Variants in BCAP29 observed in about 807,000 individuals in gnomAD.
BCAP29 encodes B cell receptor associated protein 29.
BCAP29 carries 34 observed loss-of-function variants against 31.8 expected under a neutral mutation model. That is an observed-to-expected ratio of 1.07 (90% CI 0.81 to 1.42). The LOEUF (loss-of-function observed/expected upper bound fraction) is 1.42, where lower values mean the gene tolerates loss of function less well. BCAP29 is among the 40% of genes most tolerant of loss of function. The probability of loss-of-function intolerance (pLI) is 0.00; values close to 1 mark genes in which losing one functional copy is unlikely to be tolerated. For synonymous variants in BCAP29, 104 were observed against 91.3 expected (o/e 1.14, Z -0.79); for missense variants, 314 against 269.2 (o/e 1.17, Z -1.16).
chr7:107,600,278 A>C (rs1810913355), intron 5 of BCAP29, 119 bp from the exon 6 acceptor site: 1 of 701,528 alleles, frequency 1.4e-6, no homozygotes, highest in African/African-American at 1.8e-5. Context: ...AATTCTGAAA[A>C]GGACAAAGAA....
intron 6 of BCAP29, among the ~76,000 whole-genome samples, chr7:107,610,664 C>G (rs972072707): frequency 6.6e-6 from 1 of 152,126 alleles, no homozygotes; most frequent in Non-Finnish European, 1.5e-5. Context: ...TATACCTTGG[C>G]TTAGTAAGTG....
intron 6 of BCAP29, among the ~76,000 whole-genome samples, chr7:107,612,407 A>ATATG (rs1813317093): frequency 3.1e-5 from 1 of 32,540 alleles, no homozygotes; most frequent in Non-Finnish European, 8.6e-5. Context: ...ATATATATAT[A>ATATG]TATATATATA....
intron 6 of BCAP29, among the ~76,000 whole-genome samples, chr7:107,605,049 T>C (rs1272460229): frequency 2.0e-5 from 3 of 152,224 alleles, no homozygotes; most frequent in Non-Finnish European, 4.4e-5. Context: ...CAGAGTACTT[T>C]TCTTGGACTA....
chr7:107,618,266 G>A, intron 7 of BCAP29, 62 bp from the exon 8 acceptor site: 1 of 1,217,596 alleles, frequency 8.2e-7, no homozygotes. Context: ...AAAAGTCCTT[G>A]TCATGTCTAT....
chr7:107,593,986 A>G lies in BCAP29; in HGVS notation c.225A>G (p.Ser75=), dbSNP rs778714372. 8.1e-6 allele frequency: 13 copies of G among 1,612,562 alleles called. No homozygotes were observed. The highest frequency in any genetic ancestry group is 5.1e-6 in the Non-Finnish European group (6 of 1,179,496). Residue 75 remains serine, a synonymous_variant, in exon 4 of 8, where the codon TCA becomes TCG. Coordinates refer to ENST00000005259, the MANE Select transcript of BCAP29 (RefSeq NM_018844.4). Reference sequence around the variant, plus strand: ...TGAGAGAAGTAAGGAAATATTCCTCAGTTCATACCATTGAGAAGAGCTCCA... The same window carrying G: ...TGAGAGAAGTAAGGAAATATTCCTCGGTTCATACCATTGAGAAGAGCTCCA... The part of the protein sequence containing the change: ...DAVREVRKYS[S]VHTIEKSSTS...
intron 6 of BCAP29, among the ~76,000 whole-genome samples, chr7:107,609,303 C>G (rs935323421): frequency 1.3e-5 from 2 of 152,166 alleles, no homozygotes; most frequent in African/African-American, 4.8e-5. Context: ...CTCATATGCC[C>G]TGTTTGTACG....
intron 7 of BCAP29, among the ~76,000 whole-genome samples, chr7:107,614,533 G>C (rs1562799624): frequency 6.6e-6 from 1 of 152,110 alleles, no homozygotes; most frequent in South Asian, 2.1e-4. Context: ...GAAATGATAG[G>C]TATTATCATC....
At chr7:107,609,347 A>C (rs1186508344) in intron 6 of BCAP29, among the ~76,000 whole-genome samples, 2 of 152,188 alleles carry the variant, frequency 1.3e-5, no homozygotes, top group African/African-American at 2.4e-5. Flanking sequence ...GAGGGTTTTT[A>C]GGCACAAGAG....
intron 7 of BCAP29, 69 bp downstream of exon 7, chr7:107,613,501 G>A (rs1008383376): frequency 3.2e-5 from 45 of 1,388,988 alleles, no homozygotes; most frequent in Non-Finnish European, 4.4e-5. Flanking sequence ...AATTATTTGG[G>A]TTATTTGTCC....
At chr7:107,607,960 T>C (rs1190511074) in intron 6 of BCAP29, among the ~76,000 whole-genome samples, 3 of 152,158 alleles carry the variant, frequency 2.0e-5, no homozygotes, top group African/African-American at 7.2e-5. Context: ...TTTCTACTTT[T>C]GTATAGGTTT....
intron 3 of BCAP29, among the ~76,000 whole-genome samples, chr7:107,593,296 C>T (rs571955033): frequency 3.9e-5 from 6 of 152,260 alleles, no homozygotes; most frequent in South Asian, 2.1e-4. Flanking sequence ...TCAATGTAGA[C>T]CCTTATAAGC....
intron 3 of BCAP29, among the ~76,000 whole-genome samples, chr7:107,591,522 A>G (rs1808761002): frequency 1.3e-5 from 2 of 152,030 alleles, no homozygotes; most frequent in Admixed American, 6.6e-5. Flanking sequence ...TACCCTCCAG[A>G]TTTTAAACTT....
At chr7:107,589,389 G>A (rs1808310962) in intron 3 of BCAP29, among the ~76,000 whole-genome samples, 1 of 152,184 alleles carries the variant, frequency 6.6e-6, no homozygotes, top group Non-Finnish European at 1.5e-5. Flanking sequence ...TCTCATCTGG[G>A]GATGATGGGA....
chr7:107,593,047 A>G (rs1809162815), intron 3 of BCAP29, among the ~76,000 whole-genome samples: 1 of 152,226 alleles, frequency 6.6e-6, no homozygotes, highest in African/African-American at 2.4e-5. Flanking sequence ...AAAGAGGTAA[A>G]TTTTTATGGT....
chr7:107,605,052 T>C (rs2129271026), intron 6 of BCAP29, among the ~76,000 whole-genome samples: 1 of 152,330 alleles, frequency 6.6e-6, no homozygotes, highest in African/African-American at 2.4e-5. Context: ...AGTACTTTTC[T>C]TGGACTAATA....
Position 107,607,961 on chromosome 7 carries a change from G to A in BCAP29, c.590-5371G>A, listed in dbSNP as rs1029532380. The stretch of plus-strand genomic sequence containing the variant: ...CCTGGATTCCATGTTTTCTACTTTT[G>A]TATAGGTTTTGAAAGTCACAGAGGT... On this transcript the variant is annotated intron_variant, in intron 6 of 7. Coordinates refer to ENST00000005259, the MANE Select transcript of BCAP29 (RefSeq NM_018844.4). Among the ~76,000 whole-genome samples, 4 of 152,028 alleles carry A rather than the reference G, an allele frequency of 2.6e-5. No homozygotes were observed. In the East Asian group the frequency reaches 7.7e-4, roughly 29 times the overall value.
Position 107,618,653 on chromosome 7 carries a change from T to G in BCAP29, c.*290T>G. 2.2e-6 allele frequency: 3 copies of G among 1,393,760 alleles called. No individual in the cohort carries two copies. The highest frequency in any genetic ancestry group is 2.9e-6 in the Non-Finnish European group (3 of 1,034,100). The allele number at this position is 1,393,760 out of a possible 1,614,324, so 86.3% of individuals were successfully genotyped here. A position where few individuals can be genotyped will look rare whatever the true frequency, so the allele number is the denominator to read the frequency against. ...CTGTTTACCAATAAAAGGAAAAAAT[T>G]CATTAACCGGTTGCTTCCAAAATTA... is the stretch of plus-strand genomic sequence containing the variant. On this transcript the variant is annotated 3_prime_UTR_variant, in exon 8 of 8. Transcript: ENST00000005259.
In BCAP29 at chr7:107,618,676, T is replaced by TA; in HGVS notation, c.*313_*314insA. ...ATTCATTAACCGGTTGCTTCCAAAA[T>TA]TAGAAGTTTTAAGTTGCATGAAACC... is the stretch of plus-strand genomic sequence containing the variant. On this transcript the variant is annotated 3_prime_UTR_variant, in exon 8 of 8. Transcript: ENST00000005259. 8.0e-7 allele frequency: 1 copy of TA among 1,248,420 alleles called. No individual in the cohort carries two copies. The highest frequency in any genetic ancestry group is 1.1e-6 in the Non-Finnish European group (1 of 912,064). 77.3% of individuals were successfully genotyped at this position (1,248,420 alleles called of 1,614,324 possible).
chr7:107,590,769 T>C lies in BCAP29; in HGVS notation c.194-3186T>C, dbSNP rs182512713. On this transcript the variant is annotated intron_variant, in intron 3 of 7. Coordinates refer to ENST00000005259, the MANE Select transcript of BCAP29 (RefSeq NM_018844.4). Reference sequence around the variant, plus strand: ...AAGAGGTCAAGGCTGCAGTGAGACGTGATCACATCACTGCACTCCAGCCTG... The same window carrying C: ...AAGAGGTCAAGGCTGCAGTGAGACGCGATCACATCACTGCACTCCAGCCTG... Among the ~76,000 whole-genome samples the C allele has an allele frequency of 4.1e-4, 61 of 148,972 alleles. 1 individual carries two copies. Among genetic ancestry groups the C allele is most frequent in the Admixed American group, 4.1e-3 (60 of 14,728 alleles).
Sources: allele counts gnomAD v4.1 joint callset (sites outside exome capture counted in the v4.1 genomes callset), GRCh38; gene constraint gnomAD v4.1.1; transcripts MANE v1.5; gene names NCBI Gene and HGNC (gene_info 2026-07-23, HGNC 2026-07-21).